DLGAP1: variants seen among roughly 807,000 people sequenced by gnomAD.
The protein encoded by DLGAP1 is DLG associated protein 1, also known as disks large-associated protein 1.
A neutral mutation model predicts 90.8 loss-of-function variants in DLGAP1; 11 were observed. The ratio of observed to expected loss-of-function variants is 0.12; its 90% CI spans 0.08 to 0.20. The LOEUF is 0.20. DLGAP1 is among the 10% of genes least tolerant of loss of function. The probability of loss-of-function intolerance (pLI) is 1.00; values close to 1 mark genes in which losing one functional copy is unlikely to be tolerated. For missense variants in DLGAP1, 1,050 were observed against 1,333.8 expected (o/e 0.79, Z 3.31); for synonymous variants, 558 against 540.7 (o/e 1.03, Z -0.44).
intron 1 of DLGAP1, among the ~76,000 whole-genome samples, chr18:4,450,645 C>G (rs1017674530): frequency 6.6e-6 from 1 of 152,136 alleles, no homozygotes; most frequent in Non-Finnish European, 1.5e-5. Context: ...ATTAAGAAAA[C>G]CTGGCAAGAT....
At chr18:4,365,399 T>C (rs191411914) in intron 1 of DLGAP1, among the ~76,000 whole-genome samples, 3 of 152,210 alleles carry the variant, frequency 2.0e-5, no homozygotes, top group Admixed American at 1.3e-4. Flanking sequence ...TGCCTAGGGC[T>C]TGGGGTGGGG....
At chr18:4,374,426 G>GT (rs2081976300) in intron 1 of DLGAP1, among the ~76,000 whole-genome samples, 6 of 152,056 alleles carry the variant, frequency 3.9e-5, no homozygotes, top group African/African-American at 1.4e-4. Context: ...GCTACCCAGA[G>GT]ATGAATGAAA....
intron 7 of DLGAP1, among the ~76,000 whole-genome samples, chr18:3,640,937 G>A (rs1461964842): frequency 1.3e-5 from 2 of 152,078 alleles, no homozygotes; most frequent in Non-Finnish European, 2.9e-5. Context: ...GGAAAGAGAG[G>A]CACAGAGAAG....
At chr18:3,550,036 C>T (rs969390348) in intron 9 of DLGAP1, among the ~76,000 whole-genome samples, 3 of 152,178 alleles carry the variant, frequency 2.0e-5, no homozygotes. Flanking sequence ...GCCTCATCCT[C>T]CCAAGTAGCT....
intron 1 of DLGAP1, chr18:4,430,742 T>G (rs2144748805): frequency 6.6e-6 from 1 of 152,320 alleles, no homozygotes; most frequent in African/African-American, 2.4e-5. Context: ...TTGCCAAGGC[T>G]GAGGGACTGG....
chr18:4,075,251 C>G (rs899811324), intron 2 of DLGAP1, among the ~76,000 whole-genome samples: 1 of 152,144 alleles, frequency 6.6e-6, no homozygotes, highest in Admixed American at 6.5e-5. Context: ...TGGTGAGTAA[C>G]AGCAAGAAAT....
At chr18:4,261,532 C>A (rs1300474782) in intron 1 of DLGAP1, among the ~76,000 whole-genome samples, 1 of 152,174 alleles carries the variant, frequency 6.6e-6, no homozygotes, top group South Asian at 2.1e-4. Context: ...TCAGCTCAAA[C>A]TTATCTACTC....
At chr18:3,572,534 C>T (rs1284545458) in intron 8 of DLGAP1, among the ~76,000 whole-genome samples, 1 of 151,998 alleles carries the variant, frequency 6.6e-6, no homozygotes, top group Non-Finnish European at 1.5e-5. Context: ...TAAGCAACCT[C>T]CACCCCCCAG....
At chr18:4,195,181 T>C (rs554606788) in intron 1 of DLGAP1, among the ~76,000 whole-genome samples, 3 of 152,338 alleles carry the variant, frequency 2.0e-5, no homozygotes, top group African/African-American at 7.2e-5. Flanking sequence ...ACATGAACTC[T>C]AGAAAATTTT....
chr18:4,368,958 T>C (rs1482599119), intron 1 of DLGAP1, among the ~76,000 whole-genome samples: 1 of 152,166 alleles, frequency 6.6e-6, no homozygotes, highest in African/African-American at 2.4e-5. Flanking sequence ...CGATGAGCAG[T>C]AACTGTGGAG....
At chr18:4,119,826 G>C (rs1188823659) in intron 2 of DLGAP1, among the ~76,000 whole-genome samples, 1 of 152,114 alleles carries the variant, frequency 6.6e-6, no homozygotes, top group Non-Finnish European at 1.5e-5. Flanking sequence ...TGAAACTTGT[G>C]CTTTTGATAA....
chr18:3,954,409 C>T (rs765722562), intron 3 of DLGAP1, among the ~76,000 whole-genome samples: 1 of 152,164 alleles, frequency 6.6e-6, no homozygotes, highest in Non-Finnish European at 1.5e-5. Context: ...TTAATTGACA[C>T]ATTTGAAGAC....
At chr18:3,666,609 C>T (rs1407182666) in intron 7 of DLGAP1, among the ~76,000 whole-genome samples, 6 of 152,194 alleles carry the variant, frequency 3.9e-5, no homozygotes, top group Admixed American at 6.5e-5. Flanking sequence ...CAAATCTAGA[C>T]TTGGTTTGAC....
At chr18:3,702,958 A>G (rs577726195) in intron 7 of DLGAP1, among the ~76,000 whole-genome samples, 1 of 152,196 alleles carries the variant, frequency 6.6e-6, no homozygotes, top group African/African-American at 2.4e-5. Flanking sequence ...AGAAATTGAC[A>G]TGAAAGCTTA....
chr18:4,225,474 A>G (rs1279795625), intron 1 of DLGAP1, among the ~76,000 whole-genome samples: 1 of 152,126 alleles, frequency 6.6e-6, no homozygotes. Context: ...CCAGGGACCA[A>G]TCCTGGAAAG....
chr18:4,438,963 C>A (rs534471176), intron 1 of DLGAP1, among the ~76,000 whole-genome samples: 74 of 152,318 alleles, frequency 4.9e-4, no homozygotes, highest in Non-Finnish European at 8.1e-4. Context: ...TGCTACAAAA[C>A]ACTGTGGCTA....
At chr18:3,701,457 T>A (rs1423622265) in intron 7 of DLGAP1, among the ~76,000 whole-genome samples, 1 of 152,114 alleles carries the variant, frequency 6.6e-6, no homozygotes, top group South Asian at 2.1e-4. Flanking sequence ...ATTAGGAGAA[T>A]GACAGTGCTG....
At chr18:4,242,701 A>G (rs1448785408) in intron 1 of DLGAP1, among the ~76,000 whole-genome samples, 1 of 152,184 alleles carries the variant, frequency 6.6e-6, no homozygotes, top group Non-Finnish European at 1.5e-5. Flanking sequence ...CCTGAGGGCT[A>G]GATCACACAT....
intron 1 of DLGAP1, among the ~76,000 whole-genome samples, chr18:4,227,324 G>C (rs1351134834): frequency 6.6e-6 from 1 of 151,692 alleles, no homozygotes; most frequent in Non-Finnish European, 1.5e-5. Flanking sequence ...CAAAACATTG[G>C]ACTTAATCTG....
Sources: allele counts gnomAD v4.1 joint callset (sites outside exome capture counted in the v4.1 genomes callset), GRCh38; gene constraint gnomAD v4.1.1; transcripts MANE v1.5; gene names NCBI Gene and HGNC (gene_info 2026-07-23, HGNC 2026-07-21).